STARD9: variants seen among roughly 807,000 people sequenced by gnomAD.
STARD9 encodes stAR-related lipid transfer protein 9.
A neutral mutation model predicts 399.8 loss-of-function variants in STARD9; 346 were observed. The observed-to-expected ratio is 0.87, with a 90% CI of 0.79 to 0.95. The LOEUF is 0.95. STARD9 is among the 40% of genes least tolerant of loss of function. The pLI is 0.00. For synonymous variants in STARD9, 2,203 were observed against 2,143.5 expected (o/e 1.03, Z -0.77); for missense variants, 5,832 against 5,667.5 (o/e 1.03, Z -0.93).
intron 13 of STARD9, among the ~76,000 whole-genome samples, chr15:42,664,816 A>ACACACACACC (rs1450793724): frequency 6.7e-6 from 1 of 149,580 alleles, no homozygotes; most frequent in Non-Finnish European, 1.5e-5. Context: ...ACACACACAC[A>ACACACACACC]CACACACACC....
At chr15:42,594,816 C>T (rs1259051804) in intron 3 of STARD9, among the ~76,000 whole-genome samples, 1 of 152,102 alleles carries the variant, frequency 6.6e-6, no homozygotes, top group Non-Finnish European at 1.5e-5. Context: ...TCTAACCTGT[C>T]CCTGGCTCTG....
In STARD9 at chr15:42,575,624, C is replaced by G; in HGVS notation, c.-92C>G. On this transcript the variant is annotated 5_prime_UTR_variant, in exon 1 of 33. Transcript: ENST00000290607. ...CGTCCCCAGAGGCGCGTGGGGCGGG[C>G]GGGGCTGGGTTGGGGCTGTGTCTGG... is the stretch of plus-strand genomic sequence containing the variant. The G allele has an allele frequency of 1.5e-6, 2 of 1,377,208 alleles. No homozygotes were observed. The highest frequency in any genetic ancestry group is 1.3e-5 in the South Asian group (1 of 78,052). The allele number at this position is 1,377,208 out of a possible 1,614,324, so 85.3% of individuals were successfully genotyped here. A position where few individuals can be genotyped will look rare whatever the true frequency, so the allele number is the denominator to read the frequency against.
At chr15:42,649,274 C>T (rs566367419) in intron 7 of STARD9, among the ~76,000 whole-genome samples, 4 of 151,852 alleles carry the variant, frequency 2.6e-5, no homozygotes, top group Non-Finnish European at 4.4e-5. Context: ...ATGATCCACC[C>T]GCCTCAGCCT....
chr15:42,706,947 A>AAT (rs2061101112), intron 26 of STARD9, among the ~76,000 whole-genome samples: 1 of 152,074 alleles, frequency 6.6e-6, no homozygotes, highest in Admixed American at 6.5e-5. Context: ...TAAATCCTAT[A>AAT]ATATATATTT....
chr15:42,657,730 G>A (rs537520947), intron 9 of STARD9, among the ~76,000 whole-genome samples: 1 of 152,284 alleles, frequency 6.6e-6, no homozygotes, highest in South Asian at 2.1e-4. Context: ...TAAACCCTAT[G>A]CTTCCTGAAG....
chr15:42,583,525 G>A (rs902588184), intron 2 of STARD9, 110 bp downstream of exon 2: 9 of 725,836 alleles, frequency 1.2e-5, no homozygotes, highest in Non-Finnish European at 2.0e-5. Flanking sequence ...GGGGAGGAAG[G>A]GGTATATAAG....
intron 3 of STARD9, among the ~76,000 whole-genome samples, chr15:42,614,265 C>G (rs1314596458): frequency 6.6e-6 from 1 of 150,706 alleles, no homozygotes; most frequent in Non-Finnish European, 1.5e-5. Flanking sequence ...GAGCCAAGAT[C>G]GTGCCATTGC....
rs62019355 is a variant in STARD9 at position 42,645,965 on chromosome 15, G to A, written c.560-5051G>A. ...ACCTGAGGTCAGGAGTTCGAGACCAGCCTGGCCAACGTGGTGAAACCCCCA... is the reference window on the plus strand; with the variant it reads ...ACCTGAGGTCAGGAGTTCGAGACCAACCTGGCCAACGTGGTGAAACCCCCA... On this transcript the variant is annotated intron_variant, in intron 7 of 32. Coordinates refer to ENST00000290607, the MANE Select transcript of STARD9 (RefSeq NM_020759.3). Among the ~76,000 whole-genome samples, 1,175 of 152,084 alleles carry A rather than the reference G, an allele frequency of 7.7e-3. 13 individuals are homozygous for A. The highest frequency in any genetic ancestry group is 0.011 in the Non-Finnish European group (768 of 68,010).
intron 3 of STARD9, among the ~76,000 whole-genome samples, chr15:42,621,987 A>G (rs117366041): frequency 4.7e-4 from 71 of 152,308 alleles, no homozygotes; most frequent in Non-Finnish European, 8.8e-4. Context: ...TTTTCAATCT[A>G]TATTGAAGCC....
chr15:42,640,335 G>A (rs776844826), intron 7 of STARD9, among the ~76,000 whole-genome samples: 8 of 152,170 alleles, frequency 5.3e-5, no homozygotes, highest in Non-Finnish European at 8.8e-5. Flanking sequence ...GACTGATTCT[G>A]CTACCTATGT....
rs766364219 is a variant in STARD9, at chr15:42,685,310, T to A, written c.3732T>A (p.Pro1244=). ...GGCACCTGGAGGACTCTAGTCTGCC[T>A]GTAATGGACCAAGAGGCAATATGCA... ...TFWHLEDSSL[P]VMDQEAICRL... The change falls in exon 23 of 33, where the codon CCT becomes CCA. Residue 1244 remains proline (P), a synonymous_variant. Coordinates refer to ENST00000290607, the MANE Select transcript of STARD9 (RefSeq NM_020759.3). The A allele has an allele frequency of 6.5e-7, 1 of 1,537,532 alleles. No individual in the cohort carries two copies. The highest frequency in any genetic ancestry group is 1.2e-5 in the South Asian group (1 of 84,050).
At chr15:42,641,893 C>T (rs367896952) in intron 7 of STARD9, among the ~76,000 whole-genome samples, 3 of 151,970 alleles carry the variant, frequency 2.0e-5, no homozygotes, top group Non-Finnish European at 2.9e-5. Flanking sequence ...CATGAGCCAC[C>T]GCGCCCGGCT....
intron 3 of STARD9, among the ~76,000 whole-genome samples, chr15:42,588,424 A>G (rs1335734764): frequency 6.6e-6 from 1 of 152,198 alleles, no homozygotes; most frequent in Non-Finnish European, 1.5e-5. Context: ...CCAGACAGGA[A>G]GCCTGTGCAG....
chr15:42,600,395 A>T (rs1418622884), intron 3 of STARD9, among the ~76,000 whole-genome samples: 8 of 152,234 alleles, frequency 5.3e-5, no homozygotes, highest in Admixed American at 1.3e-4. Flanking sequence ...AGGTTACAGA[A>T]AAAGCATTCT....
chr15:42,580,235 A>G (rs2058138716), intron 1 of STARD9, among the ~76,000 whole-genome samples: 2 of 152,256 alleles, frequency 1.3e-5, no homozygotes, highest in African/African-American at 4.8e-5. Context: ...GAGTTGCACA[A>G]ACTGTGCTCT....
intron 3 of STARD9, chr15:42,629,825 A>C (rs530299717): frequency 4.6e-5 from 7 of 151,870 alleles, no homozygotes; most frequent in Non-Finnish European, 8.8e-5. Context: ...TTTTTCTCAT[A>C]AAAAGGATGT....
At chr15:42,638,109 G>T (rs1414024224) in intron 6 of STARD9, 22 bp downstream of exon 6, 3 of 1,532,526 alleles carry the variant, frequency 2.0e-6, no homozygotes, top group African/African-American at 2.7e-5. Flanking sequence ...CCAAGCTCTG[G>T]GACCTACAGT....
At chr15:42,588,208 A>G (rs572690483) in intron 3 of STARD9, among the ~76,000 whole-genome samples, 18 of 150,372 alleles carry the variant, frequency 1.2e-4, no homozygotes, top group South Asian at 8.5e-4. Flanking sequence ...TTAAAATTTT[A>G]TGTGTGTGTG....
In STARD9 at chr15:42,607,194, C is replaced by CTTTTTTTTTTT. The variant is rs763484090; in HGVS notation, c.234+21573_234+21583dup. ...AGCACAACCCTGCATTTTTCTGGTG[C>CTTTTTTTTTTT]TTTTTTTTTTTTTTTTTTTTTTTTT... On this transcript the variant is annotated intron_variant, in intron 3 of 32. Coordinates refer to ENST00000290607, the MANE Select transcript of STARD9 (RefSeq NM_020759.3). Among the ~76,000 whole-genome samples the CTTTTTTTTTTT allele has an allele frequency of 1.0e-4, 4 of 39,266 alleles. 2 individuals are homozygous for CTTTTTTTTTTT. Among genetic ancestry groups the CTTTTTTTTTTT allele is most frequent in the Non-Finnish European group, 1.7e-4 (4 of 23,336 alleles). The allele number at this position is 39,266 out of a possible 152,430, so 25.8% of individuals were successfully genotyped here. A position where few individuals can be genotyped will look rare whatever the true frequency, so the allele number is the denominator to read the frequency against.
Sources: gnomAD v4.1 joint callset for allele counts (sites outside exome capture counted in the v4.1 genomes callset) on GRCh38, gnomAD v4.1.1 for gene constraint, MANE v1.5 for transcripts, NCBI Gene and HGNC (gene_info 2026-07-23, HGNC 2026-07-21) for gene names.